Variants in MED13L observed in about 807,000 individuals in gnomAD.
The protein encoded by MED13L is mediator of RNA polymerase II transcription subunit 13-like.
In MED13L, 7 loss-of-function variants were observed where a neutral mutation model predicts 220.9. That is an observed-to-expected ratio of 0.03 (90% CI 0.02 to 0.06). MED13L has a LOEUF of 0.06. Ranked by LOEUF, MED13L falls within the 10% of genes least tolerant of loss-of-function variation. The pLI is 1.00. For synonymous variants in MED13L, 1,011 were observed against 1,015.2 expected (o/e 1.00, Z 0.08); for missense variants, 1,965 against 2,760.5 (o/e 0.71, Z 6.46).
chr12:116,145,769 C>A (rs1877451490), intron 2 of MED13L, among the ~76,000 whole-genome samples: 1 of 151,650 alleles, frequency 6.6e-6, no homozygotes, highest in South Asian at 2.1e-4. Context: ...TCAAGCAATT[C>A]TCCTGCCTTG....
chr12:116,098,244 C>T (rs764255778), intron 3 of MED13L, among the ~76,000 whole-genome samples: 1 of 151,054 alleles, frequency 6.6e-6, no homozygotes, highest in Admixed American at 6.6e-5. Context: ...GAAACTCCAT[C>T]TCAAAAAAAA....
chr12:116,126,037 T>C (rs1176007085), intron 2 of MED13L, among the ~76,000 whole-genome samples: 3 of 152,178 alleles, frequency 2.0e-5, no homozygotes, highest in Non-Finnish European at 4.4e-5. Flanking sequence ...GCAATAAAAG[T>C]TTCTCAAAAC....
At chr12:116,035,465 T>A (rs990460319) in intron 4 of MED13L, among the ~76,000 whole-genome samples, 1 of 152,190 alleles carries the variant, frequency 6.6e-6, no homozygotes, top group African/African-American at 2.4e-5. Context: ...GGTAGCAGGA[T>A]ACATTTTCCT....
At chr12:116,215,454 C>T (rs1882935916) in intron 2 of MED13L, among the ~76,000 whole-genome samples, 2 of 152,178 alleles carry the variant, frequency 1.3e-5, no homozygotes, top group African/African-American at 4.8e-5. Flanking sequence ...ACCTGCCTCT[C>T]TTATAGCTGA....
chr12:115,969,651 T>C (rs536360419), intron 27 of MED13L, among the ~76,000 whole-genome samples: 58 of 152,044 alleles, frequency 3.8e-4, no homozygotes, highest in Non-Finnish European at 4.6e-4. Flanking sequence ...CTCGGCTCAC[T>C]GCAACCTCTG....
intron 2 of MED13L, among the ~76,000 whole-genome samples, chr12:116,234,855 G>T (rs971112484): frequency 3.3e-5 from 5 of 151,608 alleles, no homozygotes; most frequent in Non-Finnish European, 5.9e-5. Flanking sequence ...TAAACACAGG[G>T]TTTCACCATA....
intron 30 of MED13L, chr12:115,961,637 A>C: frequency 1.8e-6 from 1 of 567,208 alleles, no homozygotes; most frequent in South Asian, 1.9e-5. Context: ...GGCCAGTAGG[A>C]ACTTGCGTGG....
intron 2 of MED13L, among the ~76,000 whole-genome samples, chr12:116,214,011 C>G (rs1882858873): frequency 6.6e-6 from 1 of 152,178 alleles, no homozygotes; most frequent in African/African-American, 2.4e-5. Context: ...CCTTGAAAAA[C>G]TGTGAAGTAT....
At chr12:116,032,918 C>T (rs570397627) in intron 4 of MED13L, among the ~76,000 whole-genome samples, 219 of 151,268 alleles carry the variant, frequency 1.4e-3, no homozygotes, top group Non-Finnish European at 2.2e-3. Flanking sequence ...GAAAAGAAGA[C>T]GGATGGGAGA....
At chr12:116,038,504 T>C (rs1881321307) in intron 4 of MED13L, among the ~76,000 whole-genome samples, 1 of 151,988 alleles carries the variant, frequency 6.6e-6, no homozygotes, top group Non-Finnish European at 1.5e-5. Flanking sequence ...TACAAAAACA[T>C]CCAACCATTA....
chr12:116,174,859 A>C (rs1014863505), intron 2 of MED13L: 12 of 152,426 alleles, frequency 7.9e-5, no homozygotes, highest in Admixed American at 5.9e-4. Context: ...TAAGCCCAGG[A>C]GTTGGAGACC....
At chr12:116,213,109 TTGA>T (rs1882799107) in intron 2 of MED13L, among the ~76,000 whole-genome samples, 1 of 152,196 alleles carries the variant, frequency 6.6e-6, no homozygotes, top group South Asian at 2.1e-4. Flanking sequence ...TTTGCACGGC[TTGA>T]TGAACTTCTA....
At chr12:116,084,235 G>A (rs1871446930) in intron 4 of MED13L, among the ~76,000 whole-genome samples, 1 of 152,162 alleles carries the variant, frequency 6.6e-6, no homozygotes, top group African/African-American at 2.4e-5. Context: ...CACTCTTAAA[G>A]TGTCCTTTGG....
intron 2 of MED13L, among the ~76,000 whole-genome samples, chr12:116,142,465 C>A (rs1380812680): frequency 6.6e-6 from 1 of 152,056 alleles, no homozygotes; most frequent in Non-Finnish European, 1.5e-5. Context: ...AAGCAGGTGG[C>A]TCACCTGAGG....
chr12:116,006,063 C>A, intron 12 of MED13L, 70 bp from the exon 13 acceptor site: 2 of 1,590,120 alleles, frequency 1.3e-6, no homozygotes, highest in South Asian at 1.1e-5. Context: ...GGAGAGGACA[C>A]GGATCTCAAT....
chr12:116,142,137 T>C (rs953642424), intron 2 of MED13L, among the ~76,000 whole-genome samples: 2 of 152,160 alleles, frequency 1.3e-5, no homozygotes, highest in Non-Finnish European at 2.9e-5. Context: ...GCAACCATCC[T>C]CCTTCACTGC....
chr12:116,257,280 AT>A (rs2138541988), intron 1 of MED13L, among the ~76,000 whole-genome samples: 1 of 152,356 alleles, frequency 6.6e-6, no homozygotes, highest in African/African-American at 2.4e-5. Flanking sequence ...CTACACAAAC[AT>A]GAGTGGCTCC....
At chr12:116,130,423 G>C (rs1359300159) in intron 2 of MED13L, among the ~76,000 whole-genome samples, 2 of 152,136 alleles carry the variant, frequency 1.3e-5, no homozygotes, top group Non-Finnish European at 2.9e-5. Context: ...AGAAAAATAA[G>C]CATCTCTGAC....
At chr12:116,046,319 T>C (rs1396245021) in intron 4 of MED13L, among the ~76,000 whole-genome samples, 1 of 152,012 alleles carries the variant, frequency 6.6e-6, no homozygotes, top group Middle Eastern at 3.2e-3. Flanking sequence ...ACCCATCCAT[T>C]GAAACATTGA....
Sources: allele counts gnomAD v4.1 joint callset (sites outside exome capture counted in the v4.1 genomes callset), GRCh38; gene constraint gnomAD v4.1.1; transcripts MANE v1.5; gene names NCBI Gene and HGNC (gene_info 2026-07-23, HGNC 2026-07-21).